The following NIPBL variants were observed in gnomAD, a reference collection of about 807,000 sequenced individuals.
The protein encoded by NIPBL is nipped-B-like protein.
NIPBL carries 19 observed loss-of-function variants against 321.8 expected under a neutral mutation model. The ratio of observed to expected loss-of-function variants is 0.06; its 90% confidence interval spans 0.04 to 0.09. The LOEUF (loss-of-function observed/expected upper bound fraction) is 0.09, where lower values mean the gene tolerates loss of function less well. NIPBL is among the 10% of genes least tolerant of loss of function. NIPBL has a pLI of 1.00. For synonymous variants in NIPBL, 1,106 were observed against 1,114.1 expected (o/e 0.99, Z 0.14); for missense variants, 2,210 against 3,327.0 (o/e 0.66, Z 8.26).
chr5:36,878,878 G>A (rs1745294840), intron 1 of NIPBL, among the ~76,000 whole-genome samples: 2 of 151,748 alleles, frequency 1.3e-5, no homozygotes, highest in Admixed American at 1.3e-4. Context: ...CCCCAATCCC[G>A]GCCTCCCTCC....
chr5:37,008,152 T>A (rs1194979022), intron 19 of NIPBL, 64 bp downstream of exon 19: 1 of 1,064,388 alleles, frequency 9.4e-7, no homozygotes, highest in Non-Finnish European at 1.5e-6. Context: ...TGTCATTTAA[T>A]CCAAATTTCC....
In NIPBL at chr5:36,971,938, T is replaced by A; in HGVS notation, c.772-7T>A. 6.2e-7 allele frequency: 1 copy of A among 1,609,848 alleles called. No individual in the cohort carries two copies. The highest frequency in any genetic ancestry group is 8.5e-7 in the Non-Finnish European group (1 of 1,176,464). On this transcript the variant is annotated splice_region_variant and splice_polypyrimidine_tract_variant and intron_variant, in intron 7 of 46. Coordinates refer to ENST00000282516, the MANE Select transcript of NIPBL (RefSeq NM_133433.4). Reference sequence around the variant, plus strand: ...TTCAAAAGATAAATTGTATACTCTATTTTTAGGATGGAGATTCTTCAACAA... The same window carrying A: ...TTCAAAAGATAAATTGTATACTCTAATTTTAGGATGGAGATTCTTCAACAA...
chr5:37,033,836 G>A (rs1751399492), intron 32 of NIPBL, among the ~76,000 whole-genome samples: 1 of 147,648 alleles, frequency 6.8e-6, no homozygotes, highest in Admixed American at 6.9e-5. Context: ...TTGAGTAGCT[G>A]GGACTACAAG....
intron 32 of NIPBL, among the ~76,000 whole-genome samples, chr5:37,027,687 T>C (rs949353760): frequency 6.8e-6 from 1 of 147,204 alleles, no homozygotes; most frequent in Non-Finnish European, 1.5e-5. Flanking sequence ...GGCACAATCT[T>C]GGTTCACTTC....
At chr5:36,975,234 G>T (rs1743308823) in intron 8 of NIPBL, among the ~76,000 whole-genome samples, 4 of 152,076 alleles carry the variant, frequency 2.6e-5, no homozygotes, top group Admixed American at 2.6e-4. Flanking sequence ...AGTTTTTGAA[G>T]TAAGTAAAGG....
At chr5:36,983,173 G>C (rs1744340847) in intron 9 of NIPBL, among the ~76,000 whole-genome samples, 1 of 151,744 alleles carries the variant, frequency 6.6e-6, no homozygotes, top group South Asian at 2.1e-4. Context: ...TACCATGTTA[G>C]TTTTAACTGG....
At chr5:36,897,514 T>G (rs545213432) in intron 1 of NIPBL, among the ~76,000 whole-genome samples, 1 of 152,212 alleles carries the variant, frequency 6.6e-6, no homozygotes, top group Admixed American at 6.5e-5. Context: ...TCAACAGTGT[T>G]ATAAGAAAGA....
chr5:36,894,409 G>A (rs999793724), intron 1 of NIPBL, among the ~76,000 whole-genome samples: 1 of 151,736 alleles, frequency 6.6e-6, no homozygotes, highest in African/African-American at 2.4e-5. Flanking sequence ...TGTGTCCAAA[G>A]GTATTGTACT....
In NIPBL at chr5:37,060,906, A is replaced by G. The variant is rs759578329; in HGVS notation, c.7748A>G (p.Lys2583Arg). The change falls in exon 45 of 47, where the codon AAA (lysine) becomes AGA (arginine). Residue 2583 changes from lysine (K) to arginine (R), a missense_variant. Physicochemically the swap from Lys to Arg is conservative, Grantham distance 26 (BLOSUM62 2). Around this residue, in one of 14 missense-constraint regions of NIPBL, gnomAD observed 159 missense variants for 319.2 expected, o/e 0.50. Coordinates refer to ENST00000282516, the MANE Select transcript of NIPBL (RefSeq NM_133433.4). Reference protein sequence around the residue: ...AKVYDKAINRKTGVHFHPKQT... With the variant: ...AKVYDKAINRRTGVHFHPKQT... ...GTATATGATAAAGCGATAAACCGAA[A>G]AACAGGAGTTCATTTTCATCCAAAA... The G allele has an allele frequency of 2.5e-6, 4 of 1,614,130 alleles. No individual in the cohort carries two copies. In the Admixed American group the frequency reaches 6.7e-5, roughly 27 times the overall value.
intron 1 of NIPBL, chr5:36,885,918 C>T (rs1204493361): frequency 4.1e-6 from 3 of 737,058 alleles, no homozygotes; most frequent in Admixed American, 1.7e-5. Context: ...AAGGTAGATG[C>T]TCCCAAATCT....
chr5:36,888,809 C>T (rs555662350), intron 1 of NIPBL, among the ~76,000 whole-genome samples: 11 of 152,152 alleles, frequency 7.2e-5, no homozygotes, highest in African/African-American at 2.4e-4. Flanking sequence ...TAATCCTGAG[C>T]GCATCTTTTG....
chr5:36,986,417 AT>A, intron 10 of NIPBL, 116 bp downstream of exon 10: 1 of 701,110 alleles, frequency 1.4e-6, no homozygotes, highest in Non-Finnish European at 2.1e-6. Context: ...AAAATATAAC[AT>A]TTATGTCAAA....
At position 37,019,356 on chromosome 5, in the gene NIPBL, C is replaced by T. The variant is rs746181669; in HGVS notation, c.4966C>T (p.Leu1656Phe). ...DEIQQLQKAL[L>F]DYLDENTETD... is the part of the protein sequence containing the mutation. ...AATCCAACAATTACAAAAAGCATTG[C>T]TTGATTACTTGGATGAAAACACTGA... Residue 1656 changes from leucine to phenylalanine, a missense_variant, in exon 25 of 47, where the codon CTT (leucine) becomes TTT (phenylalanine). Transcript: ENST00000282516. 5 of 1,613,218 alleles carry T rather than the reference C, an allele frequency of 3.1e-6. No individual in the cohort carries two copies. The South Asian group carries it at 4.4e-5, about 14-fold the overall frequency.
intron 32 of NIPBL, among the ~76,000 whole-genome samples, chr5:37,031,767 C>A (rs1397946232): frequency 2.6e-5 from 4 of 152,058 alleles, no homozygotes; most frequent in Non-Finnish European, 5.9e-5. Context: ...TACTCCACAT[C>A]AAAAAGGAAC....
chr5:37,049,451 C>A, intron 40 of NIPBL, 150 bp downstream of exon 40: 1 of 864,242 alleles, frequency 1.2e-6, no homozygotes, highest in Non-Finnish European at 1.9e-6. Context: ...TAGATAATCT[C>A]TTGGGTTATG....
At chr5:36,978,088 A>G (rs1396910347) in intron 9 of NIPBL, among the ~76,000 whole-genome samples, 1 of 151,942 alleles carries the variant, frequency 6.6e-6, no homozygotes, top group Non-Finnish European at 1.5e-5. Flanking sequence ...TGTCTTTTTT[A>G]TAAAGTAATT....
At chr5:36,877,662 C>T (rs992117363) in intron 1 of NIPBL, among the ~76,000 whole-genome samples, 1 of 152,242 alleles carries the variant, frequency 6.6e-6, no homozygotes, top group Non-Finnish European at 1.5e-5. Context: ...AACCTCCCTT[C>T]TTCCCCCTGT....
intron 1 of NIPBL, among the ~76,000 whole-genome samples, chr5:36,899,146 G>T (rs1254398746): frequency 6.6e-6 from 1 of 152,110 alleles, no homozygotes; most frequent in Non-Finnish European, 1.5e-5. Flanking sequence ...TGAAATTCAT[G>T]AAATCCAGTT....
chr5:36,945,588 T>C (rs1646339390), intron 1 of NIPBL, among the ~76,000 whole-genome samples: 1 of 152,198 alleles, frequency 6.6e-6, no homozygotes, highest in Non-Finnish European at 1.5e-5. Flanking sequence ...CAGCGGTGGC[T>C]GCAGAGAGCT....
Sources: gnomAD v4.1 joint callset for allele counts (sites outside exome capture counted in the v4.1 genomes callset) on GRCh38, gnomAD v4.1.1 for gene constraint, gnomAD v4.1.1 regional missense constraint, MANE v1.5 for transcripts, NCBI Gene and HGNC (gene_info 2026-07-23, HGNC 2026-07-21) for gene names.